Variants in ANKS1B observed in about 807,000 individuals in gnomAD.
ANKS1B encodes the protein ankyrin repeat and sterile alpha motif domain-containing protein 1B.
ANKS1B carries 36 observed loss-of-function variants against 148.3 expected under a neutral mutation model. The observed-to-expected ratio is 0.24, with a 90% CI of 0.19 to 0.32. The LOEUF is 0.32. Among genes scored for constraint, ANKS1B ranks in the 10% least tolerant of loss-of-function variants. The pLI is 1.00. For missense variants in ANKS1B, 1,157 were observed against 1,542.6 expected (o/e 0.75, Z 4.19); for synonymous variants, 542 against 560.8 (o/e 0.97, Z 0.47).
chr12:99,718,378 C>CA (rs572276472), intron 8 of ANKS1B, among the ~76,000 whole-genome samples: 63 of 152,200 alleles, frequency 4.1e-4, no homozygotes, highest in African/African-American at 1.5e-3. Flanking sequence ...TGTATCCCCC[C>CA]ACCTTAACCC....
chr12:99,387,801 G>A (rs75614436), intron 12 of ANKS1B, among the ~76,000 whole-genome samples: 6,697 of 147,448 alleles, frequency 0.045, 439 homozygotes, highest in African/African-American at 0.14. Context: ...CCCAGTTTAC[G>A]GTATTTTGTT....
At chr12:99,521,476 G>C (rs79738471) in intron 9 of ANKS1B, among the ~76,000 whole-genome samples, 3,925 of 152,238 alleles carry the variant, frequency 0.026, 80 homozygotes, top group South Asian at 0.088. Flanking sequence ...GGACACTGAA[G>C]AGTTAGGCCT....
At chr12:99,793,804 A>G (rs192929539) in intron 4 of ANKS1B, among the ~76,000 whole-genome samples, 7 of 152,214 alleles carry the variant, frequency 4.6e-5, no homozygotes, top group Non-Finnish European at 7.4e-5. Flanking sequence ...AAACAACCAA[A>G]GCAAAAATGG....
chr12:98,884,790 A>T (rs1481780448), intron 17 of ANKS1B, among the ~76,000 whole-genome samples: 1 of 135,070 alleles, frequency 7.4e-6, no homozygotes, highest in Non-Finnish European at 1.5e-5. Flanking sequence ...TGGGCGACAG[A>T]GCGAGACTCC....
intron 12 of ANKS1B, among the ~76,000 whole-genome samples, chr12:99,293,793 C>A (rs945722482): frequency 6.7e-6 from 1 of 149,528 alleles, no homozygotes; most frequent in African/African-American, 2.4e-5. Flanking sequence ...GAATTAATAA[C>A]CAAAATATAT....
At chr12:99,762,368 G>A (rs2153609251) in intron 8 of ANKS1B, among the ~76,000 whole-genome samples, 1 of 151,658 alleles carries the variant, frequency 6.6e-6, no homozygotes, top group East Asian at 2.1e-4. Context: ...GAACAGAATA[G>A]AGAACTCAGA....
intron 17 of ANKS1B, among the ~76,000 whole-genome samples, chr12:98,858,016 T>C (rs2099580553): frequency 1.3e-5 from 2 of 152,254 alleles, no homozygotes; most frequent in African/African-American, 4.8e-5. Flanking sequence ...CATGTAACTA[T>C]AGTTATACTT....
At chr12:98,866,538 A>G (rs1302796306) in intron 17 of ANKS1B, among the ~76,000 whole-genome samples, 2 of 152,306 alleles carry the variant, frequency 1.3e-5, no homozygotes, top group Non-Finnish European at 2.9e-5. Context: ...CCACTGCTGC[A>G]ATATCACAAT....
At chr12:99,664,480 T>G (rs539114853) in intron 8 of ANKS1B, among the ~76,000 whole-genome samples, 1 of 152,064 alleles carries the variant, frequency 6.6e-6, no homozygotes, top group Admixed American at 6.6e-5. Flanking sequence ...GGTAGATGTA[T>G]GTAGAATCCT....
At chr12:99,874,599 T>C (rs1301466582) in intron 1 of ANKS1B, among the ~76,000 whole-genome samples, 2 of 152,188 alleles carry the variant, frequency 1.3e-5, no homozygotes, top group Admixed American at 1.3e-4. Flanking sequence ...AAGAGAAGTC[T>C]CTGACATCAT....
Position 99,886,339 on chromosome 12 carries a change from A to T in ANKS1B, c.135-60950T>A, listed in dbSNP as rs372429708. 9.8e-5 allele frequency among the ~76,000 whole-genome samples: 15 copies of T among 152,366 alleles called. No individual in the cohort carries two copies. In the East Asian group the frequency reaches 1.5e-3, roughly 16 times the overall value. On this transcript the variant is annotated intron_variant, in intron 1 of 26. Coordinates refer to ENST00000683438, the MANE Select transcript of ANKS1B (RefSeq NM_001352186.2). Reference sequence around the variant, plus strand: ...AAGCTCTGTGAGGGAAGAAATTGTTATCAGAATACAAGCAGTACAAAGTGT... The same window carrying T: ...AAGCTCTGTGAGGGAAGAAATTGTTTTCAGAATACAAGCAGTACAAAGTGT...
At chr12:99,633,454 T>A (rs962544673) in intron 9 of ANKS1B, among the ~76,000 whole-genome samples, 67 of 152,058 alleles carry the variant, frequency 4.4e-4, no homozygotes, top group African/African-American at 1.6e-3. Context: ...TGAAACTGGA[T>A]CCCTTCCTTA....
chr12:98,799,035 T>C (rs1162135794), intron 21 of ANKS1B, 30 bp from the exon 22 acceptor site: 6 of 1,501,536 alleles, frequency 4.0e-6, no homozygotes, highest in Non-Finnish European at 5.5e-6. Context: ...CAATGATTTA[T>C]GAAATGGAAT....
At chr12:99,083,211 A>C (rs1198530780) in intron 16 of ANKS1B, among the ~76,000 whole-genome samples, 1 of 152,188 alleles carries the variant, frequency 6.6e-6, no homozygotes, top group Non-Finnish European at 1.5e-5. Context: ...AGTGGCTAAT[A>C]TTTACTTTTC....
intron 8 of ANKS1B, among the ~76,000 whole-genome samples, chr12:99,669,062 C>T (rs1008867147): frequency 2.6e-5 from 4 of 152,138 alleles, no homozygotes; most frequent in African/African-American, 9.7e-5. Context: ...ATATTTATAG[C>T]AAATATTTTA....
intron 9 of ANKS1B, among the ~76,000 whole-genome samples, chr12:99,560,587 C>T (rs539662902): frequency 2.3e-4 from 35 of 152,096 alleles, no homozygotes; most frequent in African/African-American, 7.5e-4. Flanking sequence ...TTCATTTCAC[C>T]CGGGCATATA....
intron 11 of ANKS1B, among the ~76,000 whole-genome samples, chr12:99,440,055 A>T (rs944681956): frequency 6.6e-6 from 1 of 151,774 alleles, no homozygotes; most frequent in Admixed American, 6.6e-5. Context: ...CATACTCACC[A>T]TAGGATTCCA....
chr12:99,555,283 C>A (rs563537095), intron 9 of ANKS1B, among the ~76,000 whole-genome samples: 1 of 152,184 alleles, frequency 6.6e-6, no homozygotes, highest in East Asian at 1.9e-4. Context: ...AAGCAGTATA[C>A]AAGCATTCTC....
intron 17 of ANKS1B, among the ~76,000 whole-genome samples, chr12:98,905,968 T>A (rs2099778468): frequency 1.3e-5 from 2 of 152,144 alleles, no homozygotes; most frequent in African/African-American, 2.4e-5. Context: ...TCTATACACT[T>A]TGTTGGGACC....
Sources: allele counts gnomAD v4.1 joint callset (sites outside exome capture counted in the v4.1 genomes callset), GRCh38; gene constraint gnomAD v4.1.1; transcripts MANE v1.5; gene names NCBI Gene and HGNC (gene_info 2026-07-23, HGNC 2026-07-21).